USP34: variants seen among roughly 807,000 people sequenced by gnomAD.
USP34 encodes ubiquitin specific peptidase 34, also known as ubiquitin carboxyl-terminal hydrolase 34.
USP34 carries 70 observed loss-of-function variants against 460.3 expected under a neutral mutation model. That is an observed-to-expected ratio of 0.15 (90% CI 0.13 to 0.19). The LOEUF is 0.19. USP34 is among the 10% of genes least tolerant of loss of function. The pLI is 1.00. For missense variants in USP34, 3,985 were observed against 4,236.2 expected, an observed-to-expected ratio of 0.94 and a Z score of 1.65; for synonymous variants, 1,647 against 1,405.3, an observed-to-expected ratio of 1.17 and a Z score of -3.85.
At chr2:61,194,594 G>A (rs1282235614) in intron 75 of USP34, among the ~76,000 whole-genome samples, 1 of 152,198 alleles carries the variant, frequency 6.6e-6, no homozygotes, top group Non-Finnish European at 1.5e-5. Flanking sequence ...GAACCGCTGT[G>A]CTCAAGTGAT....
chr2:61,382,910 G>A (rs1412332948), intron 6 of USP34, among the ~76,000 whole-genome samples: 1 of 152,062 alleles, frequency 6.6e-6, no homozygotes, highest in African/African-American at 2.4e-5. Flanking sequence ...TTTGTAAACA[G>A]ACTGCACAAG....
At chr2:61,251,748 CA>C (rs923442741) in intron 48 of USP34, among the ~76,000 whole-genome samples, 4 of 152,060 alleles carry the variant, frequency 2.6e-5, no homozygotes, top group African/African-American at 9.7e-5. Context: ...AAATCTTTGC[CA>C]AATCCATCAG....
chr2:61,437,318 A>G (rs1694840069), intron 1 of USP34, among the ~76,000 whole-genome samples: 1 of 151,840 alleles, frequency 6.6e-6, no homozygotes, highest in Non-Finnish European at 1.5e-5. Flanking sequence ...AGACCCAAAT[A>G]AAAGAAATCA....
intron 1 of USP34, among the ~76,000 whole-genome samples, chr2:61,450,843 T>G (rs1258501880): frequency 7.7e-6 from 1 of 130,430 alleles, no homozygotes; most frequent in Non-Finnish European, 1.6e-5. Flanking sequence ...CTTATAAACA[T>G]AATCCAATTT....
chr2:61,216,938 A>T (rs1572843046), intron 67 of USP34, among the ~76,000 whole-genome samples: 1 of 151,802 alleles, frequency 6.6e-6, no homozygotes, highest in Admixed American at 6.6e-5. Context: ...AAAAAAAAAA[A>T]GTCATTTGGT....
intron 1 of USP34, among the ~76,000 whole-genome samples, chr2:61,447,898 T>C (rs1695165137): frequency 6.6e-6 from 1 of 152,162 alleles, no homozygotes; most frequent in Non-Finnish European, 1.5e-5. Context: ...GTATTTTTAG[T>C]AGAGACAAGG....
At chr2:61,317,521 C>CT (rs1404497594) in intron 23 of USP34, 133 bp downstream of exon 23, 6 of 685,400 alleles carry the variant, frequency 8.8e-6, no homozygotes, top group Non-Finnish European at 1.5e-5. Flanking sequence ...AGATAGACTC[C>CT]ATCTCAAAAC....
chr2:61,403,530 AG>A (rs1693781127), intron 3 of USP34, among the ~76,000 whole-genome samples: 1 of 152,186 alleles, frequency 6.6e-6, no homozygotes, highest in Admixed American at 6.5e-5. Context: ...TGTTGAAAAA[AG>A]ATTACTTTTT....
rs562261053 is a variant in USP34 at position 61,241,728 on chromosome 2, A to G, written c.6681+38T>C. 9 of 1,507,694 alleles carry G rather than the reference A, an allele frequency of 6.0e-6. No individual in the cohort carries two copies. In the South Asian group the frequency reaches 1.1e-4, roughly 19 times the overall value. The allele number at this position is 1,507,694 out of a possible 1,614,324, so 93.4% of individuals were successfully genotyped here. The stretch of plus-strand genomic sequence containing the variant: ...CTCTAAAAGTAGACAATGCAGAAGA[A>G]AAAACAATATAAAATTATACATGAA... On this transcript the variant is annotated intron_variant, in intron 52 of 79. Coordinates refer to ENST00000398571, the MANE Select transcript of USP34 (RefSeq NM_014709.4).
In USP34 at chr2:61,283,210, A is replaced by G; in HGVS notation, c.4933T>C (p.Ser1645Pro). The part of the protein sequence containing the change: ...SWAHCCSLVK[S>P]SLADSDHLQD... ...AAATGATCGCTATCAGCAAGGCTAGATTTCACTAAAGAACAGCAATGAGCC... is the reference window on the plus strand; with the variant it reads ...AAATGATCGCTATCAGCAAGGCTAGGTTTCACTAAAGAACAGCAATGAGCC... Residue 1645 changes from serine (S) to proline (P), a missense_variant, in exon 37 of 80, where the codon TCT (serine) becomes CCT (proline). Ser to Pro is a moderately conservative substitution (Grantham distance 74). Around this residue, in one of 14 missense-constraint regions of USP34, gnomAD observed 1,114 missense variants for 1,122.5 expected, o/e 0.99. Transcript: ENST00000398571. The G allele has an allele frequency of 6.2e-7, 1 of 1,613,750 alleles. No homozygotes were observed. The highest frequency in any genetic ancestry group is 8.5e-7 in the Non-Finnish European group (1 of 1,179,806).
chr2:61,264,387 G>C (rs989513908), intron 43 of USP34, among the ~76,000 whole-genome samples: 3 of 152,174 alleles, frequency 2.0e-5, no homozygotes. Context: ...AATAATCCCA[G>C]TACTTTGGAA....
At chr2:61,408,692 T>C (rs998227911) in intron 2 of USP34, among the ~76,000 whole-genome samples, 6 of 151,740 alleles carry the variant, frequency 4.0e-5, no homozygotes, top group African/African-American at 1.5e-4. Flanking sequence ...GGTCAGGGGT[T>C]TGACACCAGC....
In USP34 at chr2:61,236,176, G is replaced by A. The variant is rs1572859180; in HGVS notation, c.6903C>T (p.Ser2301=). The A allele has an allele frequency of 1.2e-6, 2 of 1,610,902 alleles. No individual in the cohort carries two copies. Among genetic ancestry groups the A allele is most frequent in the South Asian group, 2.2e-5 (2 of 90,090 alleles). Residue 2301 remains serine (S), a synonymous_variant, in exon 55 of 80, where the codon TCC becomes TCT. Transcript: ENST00000398571. ...PSTLPDPKAV[S]LMTAKLSTSF... is the part of the protein sequence containing the mutation. ...TATTTATTACCTTTGCTGTCATTAA[G>A]GACACAGCTTTAGGATCTGGTAATG...
chr2:61,281,479 A>T (rs1689534126), intron 37 of USP34, among the ~76,000 whole-genome samples: 1 of 152,098 alleles, frequency 6.6e-6, no homozygotes. Flanking sequence ...GGGTGTGGTG[A>T]CTTGCGCCTG....
chr2:61,338,801 C>T (rs1026175875), intron 18 of USP34, among the ~76,000 whole-genome samples: 2 of 151,902 alleles, frequency 1.3e-5, no homozygotes, highest in African/African-American at 4.8e-5. Flanking sequence ...TGTTTAAAAA[C>T]AAAAACCAAA....
chr2:61,269,432 C>G (rs1689149566), intron 41 of USP34, among the ~76,000 whole-genome samples: 1 of 151,232 alleles, frequency 6.6e-6, no homozygotes, highest in Non-Finnish European at 1.5e-5. Context: ...TTACAAAGTG[C>G]TGGGATTACA....
rs370169655 is a variant in USP34 at position 61,451,778 on chromosome 2, T to C, written c.43+18872A>G. On this transcript the variant is annotated intron_variant, in intron 1 of 79. Transcript: ENST00000398571. ...CAAATTTGCTAAAATCACTAAGTCA[T>C]TGTTCAGAAAAATTAATGTTAGATC... is the stretch of plus-strand genomic sequence containing the variant. Among the ~76,000 whole-genome samples the C allele has an allele frequency of 7.9e-5, 12 of 152,200 alleles. 1 individual carries two copies. In the East Asian group the frequency reaches 2.1e-3, roughly 27 times the overall value.
At chr2:61,387,271 G>A (rs1283839083) in intron 5 of USP34, among the ~76,000 whole-genome samples, 1 of 151,942 alleles carries the variant, frequency 6.6e-6, no homozygotes, top group Non-Finnish European at 1.5e-5. Flanking sequence ...AGACCAAGCT[G>A]GCCAAACATA....
At position 61,317,783 on chromosome 2, in the gene USP34, G is replaced by A. The variant is rs994916610; in HGVS notation, c.3169-16C>T. ...GCTGGGGCATCTTTGGAAGGGTAGGGGGAAACACAAAGCTAATTTAGTGTG... is the reference window on the plus strand; with the variant it reads ...GCTGGGGCATCTTTGGAAGGGTAGGAGGAAACACAAAGCTAATTTAGTGTG... On this transcript the variant is annotated splice_polypyrimidine_tract_variant and intron_variant, in intron 22 of 79. Coordinates refer to ENST00000398571, the MANE Select transcript of USP34 (RefSeq NM_014709.4). 2 of 1,592,104 alleles carry A rather than the reference G, an allele frequency of 1.3e-6. No homozygotes were observed. The highest frequency in any genetic ancestry group is 8.6e-7 in the Non-Finnish European group (1 of 1,164,032).
Sources: allele counts gnomAD v4.1 joint callset (sites outside exome capture counted in the v4.1 genomes callset), GRCh38; gene constraint gnomAD v4.1.1; regional missense constraint gnomAD v4.1.1; transcripts MANE v1.5; gene names NCBI Gene and HGNC (gene_info 2026-07-23, HGNC 2026-07-21).